LOXL1: variants seen among roughly 807,000 people sequenced by gnomAD.
LOXL1 encodes the protein lysyl oxidase like 1.
In LOXL1, 31 loss-of-function variants were observed where a neutral mutation model predicts 62.2. The observed-to-expected ratio is 0.50, with a 90% CI of 0.37 to 0.67. LOXL1 has a LOEUF of 0.67. Ranked by LOEUF, LOXL1 falls within the 30% of genes least tolerant of loss-of-function variation. LOXL1 has a pLI of 0.00. For synonymous variants in LOXL1, 403 were observed against 384.4 expected (o/e 1.05, Z -0.56); for missense variants, 775 against 843.4 (o/e 0.92, Z 1.00).
chr15:73,934,136 CT>C (rs1844207170), intron 1 of LOXL1, among the ~76,000 whole-genome samples: 1 of 152,364 alleles, frequency 6.6e-6, no homozygotes, highest in South Asian at 2.1e-4. Context: ...CTTCCCCCTG[CT>C]TGTGGGCCAG....
chr15:73,927,098 C>A lies in LOXL1; in HGVS notation c.315C>A (p.Arg105=), dbSNP rs1798241798. 9 of 1,301,234 alleles carry A rather than the reference C, an allele frequency of 6.9e-6. No individual in the cohort carries two copies. The highest frequency in any genetic ancestry group is 8.8e-6 in the Non-Finnish European group (9 of 1,020,444). The allele number at this position is 1,301,234 out of a possible 1,614,324, so 80.6% of individuals were successfully genotyped here. A position where few individuals can be genotyped will look rare whatever the true frequency, so the allele number is the denominator to read the frequency against. Residue 105 remains arginine, a synonymous_variant, in exon 1 of 7, where the codon CGC becomes CGA. Transcript: ENST00000261921. The stretch of plus-strand genomic sequence containing the variant: ...CGCCGTCCCTGCCCCTGCCGGGGCG[C>A]GTGGGCTCGGACACCGTGCGCGGCC... ...RQAPSLPLPG[R]VGSDTVRGQA... is the part of the protein sequence containing the mutation.
At chr15:73,934,990 TG>T (rs2068660723) in intron 1 of LOXL1, among the ~76,000 whole-genome samples, 1 of 152,162 alleles carries the variant, frequency 6.6e-6, no homozygotes, top group South Asian at 2.1e-4. Context: ...TTTTCAGGTG[TG>T]CTCCAGTGTG....
At chr15:73,948,463 A>G (rs773171881) in intron 5 of LOXL1, among the ~76,000 whole-genome samples, 1 of 152,206 alleles carries the variant, frequency 6.6e-6, no homozygotes, top group African/African-American at 2.4e-5. Context: ...CCAGGTTGTC[A>G]TGGGCCCACC....
intron 2 of LOXL1, among the ~76,000 whole-genome samples, chr15:73,943,686 C>A (rs1202340437): frequency 6.6e-6 from 1 of 152,200 alleles, no homozygotes; most frequent in Non-Finnish European, 1.5e-5. Flanking sequence ...TTTGCGGATA[C>A]CTCCCTGGGC....
Position 73,927,496 on chromosome 15 carries a change from G to A in LOXL1, c.713G>A (p.Gly238Asp). 2 of 1,469,292 alleles carry A rather than the reference G, an allele frequency of 1.4e-6. No individual in the cohort carries two copies. Among genetic ancestry groups the A allele is most frequent in the East Asian group, 2.8e-5 (1 of 35,408 alleles). The allele number at this position is 1,469,292 out of a possible 1,614,324, so 91.0% of individuals were successfully genotyped here. ...CCCCGGGCGCGCTACGAGGAGTACG[G>A]CGGCGGCGAAGAGCTGCCCGAGTAC... ...YQPRARYEEYGGGEELPEYPP... is the reference protein window; with the variant it reads ...YQPRARYEEYDGGEELPEYPP... The change falls in exon 1 of 7, where the codon GGC (glycine) becomes GAC (aspartate). Residue 238 changes from glycine (G) to aspartate (D), a missense_variant. Physicochemically the swap from Gly to Asp is moderately conservative, Grantham distance 94 (BLOSUM62 -1). Coordinates refer to ENST00000261921, the MANE Select transcript of LOXL1 (RefSeq NM_005576.4).
chr15:73,947,704 G>A, intron 4 of LOXL1, 103 bp from the exon 5 acceptor site: 1 of 812,842 alleles, frequency 1.2e-6, no homozygotes, highest in Non-Finnish European at 2.1e-6. Flanking sequence ...CAGGGTCAGG[G>A]GAGAAACCCA....
intron 4 of LOXL1, 123 bp from the exon 5 acceptor site, chr15:73,947,684 T>A: frequency 1.5e-6 from 1 of 687,136 alleles, no homozygotes; most frequent in Non-Finnish European, 2.6e-6. Flanking sequence ...CCTGAGCAGT[T>A]GCCCTGGGCC....
rs146899002 is a variant in LOXL1, at chr15:73,935,558, TA to T, written c.1103-7295del. 4.2e-4 allele frequency among the ~76,000 whole-genome samples: 64 copies of T among 151,156 alleles called. No homozygotes were observed. In the East Asian group the frequency reaches 0.011, roughly 25 times the overall value. ...TCAAGGGAAGCTTCTAGAGGTGGGG[TA>T]GGGGGCACCAGGCAGGGCCTGCAAG... On this transcript the variant is annotated intron_variant, in intron 1 of 6. Transcript: ENST00000261921.
chr15:73,940,949 G>A (rs2068709645), intron 1 of LOXL1, among the ~76,000 whole-genome samples: 1 of 152,216 alleles, frequency 6.6e-6, no homozygotes, highest in South Asian at 2.1e-4. Flanking sequence ...AGTATTTCTT[G>A]AAACTGGGCC....
chr15:73,951,763 C>G, intron 6 of LOXL1, 68 bp from the exon 7 acceptor site: 1 of 1,427,302 alleles, frequency 7.0e-7, no homozygotes. Context: ...GGAGGGACGC[C>G]CTGGCTGAGG....
chr15:73,926,689 G>A lies in LOXL1; in HGVS notation c.-95G>A. The A allele has an allele frequency of 2.3e-6, 3 of 1,305,026 alleles. No individual in the cohort carries two copies. The highest frequency in any genetic ancestry group is 3.0e-6 in the Non-Finnish European group (3 of 1,008,984). 80.8% of individuals were successfully genotyped at this position (1,305,026 alleles called of 1,614,324 possible). A position where few individuals can be genotyped will look rare whatever the true frequency, so the allele number is the denominator to read the frequency against. Reference sequence around the variant, plus strand: ...AAGCTAGAGCTGGGGCAAGCAAGGAGCCTTCCTGTCCTCGAGGCCGTGGGA... The same window carrying A: ...AAGCTAGAGCTGGGGCAAGCAAGGAACCTTCCTGTCCTCGAGGCCGTGGGA... On this transcript the variant is annotated 5_prime_UTR_variant, in exon 1 of 7. Transcript: ENST00000261921.
In LOXL1 at chr15:73,952,015, T is replaced by C; in HGVS notation, c.*178T>C. The C allele has an allele frequency of 2.3e-6, 1 of 431,952 alleles. No individual in the cohort carries two copies. The highest frequency in any genetic ancestry group is 6.3e-5 in the South Asian group (1 of 15,844). 26.8% of individuals were successfully genotyped at this position (431,952 alleles called of 1,614,324 possible). On this transcript the variant is annotated 3_prime_UTR_variant, in exon 7 of 7. Coordinates refer to ENST00000261921, the MANE Select transcript of LOXL1 (RefSeq NM_005576.4). ...CAGGGATTCCGGACGCCAGACCCCA[T>C]TTTATACTTCACTTTTCTCTACAGT...
intron 3 of LOXL1, 115 bp downstream of exon 3, chr15:73,946,669 G>C: frequency 1.6e-6 from 2 of 1,281,454 alleles, no homozygotes; most frequent in Non-Finnish European, 2.1e-6. Context: ...TACTGGATTA[G>C]AGGGCCCGGG....
intron 6 of LOXL1, 23 bp from the exon 7 acceptor site, chr15:73,951,808 A>G (rs759595323): frequency 1.3e-6 from 2 of 1,544,972 alleles, no homozygotes; most frequent in Admixed American, 3.8e-5. Flanking sequence ...CCCCTCATTG[A>G]CCCACTGTCT....
chr15:73,943,547 A>G (rs910574344), intron 2 of LOXL1, among the ~76,000 whole-genome samples: 18 of 152,304 alleles, frequency 1.2e-4, no homozygotes, highest in African/African-American at 3.8e-4. Context: ...GAAAGAGGGG[A>G]AGGAGACCAG....
chr15:73,940,554 G>C (rs569473787), intron 1 of LOXL1, among the ~76,000 whole-genome samples: 1 of 151,804 alleles, frequency 6.6e-6, no homozygotes, highest in African/African-American at 2.4e-5. Context: ...TCAGACCTCC[G>C]TCTGTGACCA....
chr15:73,939,692 C>T (rs1481261493), intron 1 of LOXL1, among the ~76,000 whole-genome samples: 1 of 152,180 alleles, frequency 6.6e-6, no homozygotes, highest in Non-Finnish European at 1.5e-5. Flanking sequence ...CGGCTTTATA[C>T]ATTTGTTAGA....
In LOXL1 at chr15:73,927,695, C is replaced by T; in HGVS notation, c.912C>T (p.Asp304=). The T allele has an allele frequency of 6.7e-7, 1 of 1,483,306 alleles. No homozygotes were observed. The highest frequency in any genetic ancestry group is 8.9e-7 in the Non-Finnish European group (1 of 1,124,308). 91.9% of individuals were successfully genotyped at this position (1,483,306 alleles called of 1,614,324 possible). A position where few individuals can be genotyped will look rare whatever the true frequency, so the allele number is the denominator to read the frequency against. The stretch of plus-strand genomic sequence containing the variant: ...AGGCGGCGCAGGCCCATGGCGGAGA[C>T]CCACGCCTGGGCTGGTACCCGCCCT... The part of the protein sequence containing the change: ...GPEAAQAHGG[D]PRLGWYPPYA... Residue 304 remains aspartate, a synonymous_variant, in exon 1 of 7, where the codon GAC becomes GAT. Coordinates refer to ENST00000261921, the MANE Select transcript of LOXL1 (RefSeq NM_005576.4).
rs528787915 is a variant in LOXL1, at chr15:73,926,466, A to C, written c.-318A>C. ...CTCCCAGCCTGTTGCTTATTCATTC[A>C]GAGTGGGAAAGCGCCAGCCGAGCGG... On this transcript the variant is annotated 5_prime_UTR_variant, in exon 1 of 7. Coordinates refer to ENST00000261921, the MANE Select transcript of LOXL1 (RefSeq NM_005576.4). 2.7e-3 allele frequency: 746 copies of C among 278,060 alleles called. 6 individuals are homozygous for C. The highest frequency in any genetic ancestry group is 0.015 in the African/African-American group (665 of 45,790). 17.2% of individuals were successfully genotyped at this position (278,060 alleles called of 1,614,324 possible).
Sources: gnomAD v4.1 joint callset for allele counts (sites outside exome capture counted in the v4.1 genomes callset) on GRCh38, gnomAD v4.1.1 for gene constraint, MANE v1.5 for transcripts, NCBI Gene and HGNC (gene_info 2026-07-23, HGNC 2026-07-21) for gene names.